Variants in AK9 observed in about 807,000 individuals in gnomAD.
AK9 encodes adenylate kinase domain containing 1.
AK9 carries 191 observed loss-of-function variants against 239.6 expected under a neutral mutation model. The observed-to-expected ratio is 0.80, with a 90% confidence interval of 0.71 to 0.90. The LOEUF (loss-of-function observed/expected upper bound fraction) is 0.90. Ranked by LOEUF, AK9 falls within the 40% of genes least tolerant of loss-of-function variation. The probability of loss-of-function intolerance (pLI) is 0.00; values close to 1 mark genes in which losing one functional copy is unlikely to be tolerated. For missense variants in AK9, 1,995 were observed against 2,214.7 expected (o/e 0.90, Z 1.99); for synonymous variants, 689 against 721.0 (o/e 0.96, Z 0.71).
chr6:109,668,086 T>C (rs7772817), intron 5 of AK9, among the ~76,000 whole-genome samples: 28,851 of 152,100 alleles, frequency 0.19, 3,202 homozygotes, highest in South Asian at 0.34. Context: ...TTTTAATGAT[T>C]GCCATTCTAA....
chr6:109,590,317 C>T (rs1790048960), intron 17 of AK9, among the ~76,000 whole-genome samples: 1 of 152,060 alleles, frequency 6.6e-6, no homozygotes, highest in Non-Finnish European at 1.5e-5. Context: ...TTTCTAAGAA[C>T]TTATCCATTT....
At chr6:109,673,596 A>G (rs1363442134) in intron 3 of AK9, among the ~76,000 whole-genome samples, 1 of 152,090 alleles carries the variant, frequency 6.6e-6, no homozygotes, top group South Asian at 2.1e-4. Context: ...TTTATAAATA[A>G]AAAATAAAAG....
intron 17 of AK9, among the ~76,000 whole-genome samples, chr6:109,598,328 G>GT (rs1412302089): frequency 6.6e-6 from 1 of 151,356 alleles, no homozygotes; most frequent in African/African-American, 2.4e-5. Flanking sequence ...GCGGTGTTTG[G>GT]TTTTTTGTCC....
intron 12 of AK9, among the ~76,000 whole-genome samples, chr6:109,619,550 A>G (rs186137825): frequency 9.2e-5 from 14 of 152,246 alleles, no homozygotes; most frequent in Non-Finnish European, 1.2e-4. Context: ...AATCCATGTT[A>G]TATGTATAAC....
intron 6 of AK9, chr6:109,660,992 T>G (rs1800343737): frequency 2.0e-6 from 1 of 504,320 alleles, no homozygotes. Flanking sequence ...ATCAGAAAAA[T>G]TCACATATAC....
At chr6:109,657,527 G>A (rs1008268834) in intron 7 of AK9, among the ~76,000 whole-genome samples, 2 of 148,712 alleles carry the variant, frequency 1.3e-5, no homozygotes, top group Non-Finnish European at 3.0e-5. Flanking sequence ...GAGGGAGAGA[G>A]AACTGCCACA....
At chr6:109,531,589 A>G (rs1781263395) in intron 28 of AK9, among the ~76,000 whole-genome samples, 2 of 152,158 alleles carry the variant, frequency 1.3e-5, no homozygotes, top group Admixed American at 1.3e-4. Flanking sequence ...TTAAGTGCTC[A>G]ACAGCCACTG....
chr6:109,586,889 C>G (rs952848078), intron 17 of AK9, among the ~76,000 whole-genome samples: 8 of 152,072 alleles, frequency 5.3e-5, no homozygotes, highest in African/African-American at 1.9e-4. Flanking sequence ...TAGGTAATCA[C>G]AAAATATTAC....
At chr6:109,597,944 C>T (rs1392056567) in intron 17 of AK9, among the ~76,000 whole-genome samples, 1 of 152,134 alleles carries the variant, frequency 6.6e-6, no homozygotes, top group Non-Finnish European at 1.5e-5. Context: ...AAAATCTGCT[C>T]ACATCCCTTG....
chr6:109,627,272 C>A (rs1011951352), intron 12 of AK9, among the ~76,000 whole-genome samples: 1 of 151,570 alleles, frequency 6.6e-6, no homozygotes, highest in African/African-American at 2.4e-5. Context: ...TCATCTCTTA[C>A]GACAACAATG....
intron 8 of AK9, 53 bp downstream of exon 8, chr6:109,656,703 G>A: frequency 6.6e-7 from 1 of 1,508,006 alleles, no homozygotes; most frequent in Non-Finnish European, 9.1e-7. Context: ...TACTTAACCA[G>A]TGATGAAACA....
At chr6:109,652,563 G>A (rs1243555965) in intron 8 of AK9, among the ~76,000 whole-genome samples, 4 of 152,170 alleles carry the variant, frequency 2.6e-5, no homozygotes, top group Non-Finnish European at 5.9e-5. Flanking sequence ...ATTATGTACT[G>A]TGGATATAGC....
intron 35 of AK9, among the ~76,000 whole-genome samples, chr6:109,505,178 G>A (rs994244699): frequency 6.6e-6 from 1 of 152,188 alleles, no homozygotes; most frequent in African/African-American, 2.4e-5. Context: ...ACATGGTGAA[G>A]CAAATCAAGA....
chr6:109,639,333 G>C (rs945857659), intron 10 of AK9, among the ~76,000 whole-genome samples: 2 of 152,094 alleles, frequency 1.3e-5, no homozygotes, highest in African/African-American at 2.4e-5. Context: ...GACTTTTTAA[G>C]GATTGCCATT....
chr6:109,562,207 A>AT (rs1443903071), intron 24 of AK9, among the ~76,000 whole-genome samples: 1 of 151,658 alleles, frequency 6.6e-6, no homozygotes, highest in African/African-American at 2.4e-5. Context: ...TGCTCTTCTC[A>AT]TTTTTTTTCA....
intron 28 of AK9, among the ~76,000 whole-genome samples, chr6:109,530,839 G>A (rs1048614835): frequency 6.6e-6 from 1 of 152,056 alleles, no homozygotes; most frequent in African/African-American, 2.4e-5. Flanking sequence ...ATATGGTCTC[G>A]ATCTGTTGAC....
At chr6:109,663,959 G>A (rs1800811744) in intron 5 of AK9, among the ~76,000 whole-genome samples, 1 of 152,140 alleles carries the variant, frequency 6.6e-6, no homozygotes, top group African/African-American at 2.4e-5. Context: ...TTCAGCGAAA[G>A]CAATATATTG....
intron 27 of AK9, among the ~76,000 whole-genome samples, chr6:109,535,431 T>C (rs1291624969): frequency 6.6e-6 from 1 of 152,254 alleles, no homozygotes; most frequent in Non-Finnish European, 1.5e-5. Flanking sequence ...TTCGTATCCT[T>C]TGCCCAGTTG....
chr6:109,568,184 G>T (rs1786866085), intron 21 of AK9, among the ~76,000 whole-genome samples: 1 of 151,944 alleles, frequency 6.6e-6, no homozygotes, highest in African/African-American at 2.4e-5. Flanking sequence ...AAACCACATG[G>T]TTATCTCAAT....
Sources: gnomAD v4.1 joint callset for allele counts (sites outside exome capture counted in the v4.1 genomes callset) on GRCh38, gnomAD v4.1.1 for gene constraint, MANE v1.5 for transcripts, NCBI Gene and HGNC (gene_info 2026-07-23, HGNC 2026-07-21) for gene names.